The following ADNP2 variants were observed in gnomAD, a reference collection of about 807,000 sequenced individuals.
The protein encoded by ADNP2 is ADNP homeobox 2.
ADNP2 carries 8 observed loss-of-function variants against 16.4 expected under a neutral mutation model. The ratio of observed to expected loss-of-function variants is 0.49; its 90% CI spans 0.29 to 0.88. ADNP2 has a LOEUF of 0.88. Ranked by LOEUF, ADNP2 falls within the 40% of genes least tolerant of loss-of-function variation. The pLI is 0.09. For missense variants in ADNP2, 1,397 were observed against 1,395.1 expected (o/e 1.00, Z -0.02); for synonymous variants, 637 against 545.8 (o/e 1.17, Z -2.33).
intron 3 of ADNP2, 54 bp from the exon 4 acceptor site, chr18:80,135,558 T>C: frequency 1.4e-6 from 2 of 1,479,474 alleles, no homozygotes; most frequent in South Asian, 2.6e-5. Context: ...CTGTGGAAGG[T>C]TAGCATCTGA....
Position 80,137,122 on chromosome 18 carries a change from C to T in ADNP2, c.1709C>T (p.Thr570Ile), listed in dbSNP as rs2052544586. 6.2e-7 allele frequency: 1 copy of T among 1,614,254 alleles called. No homozygotes were observed. The highest frequency in any genetic ancestry group is 8.5e-7 in the Non-Finnish European group (1 of 1,180,052). ...CCTGGGGTCTTGCAACTCAACCAGA[C>T]TGTGGGCACCAACATTCTGCCTGTG... ...VRPGVLQLNQ[T>I]VGTNILPVNQ... The change falls in exon 4 of 4, where the codon ACT becomes ATT. Residue 570 changes from threonine (T) to isoleucine (I), a missense_variant. Physicochemically the swap from Thr to Ile is moderately conservative, Grantham distance 89 (BLOSUM62 -1). Transcript: ENST00000262198. The surrounding 1 kb of genome is among the most constrained non-coding windows in gnomAD (Gnocchi z 4.2).
At position 80,136,869 on chromosome 18, in the gene ADNP2, G is replaced by C. The variant is rs1272257787; in HGVS notation, c.1456G>C (p.Val486Leu). ...TACTGGCCAGATGGTCCAGTCAGGA[G>C]TTCTCCCTGTGGGCCAGACAGCTCC... is the stretch of plus-strand genomic sequence containing the variant. ...LPTGQMVQSG[V>L]LPVGQTAPSR... The change falls in exon 4 of 4, where the codon GTT becomes CTT. Residue 486 changes from valine to leucine, a missense_variant. By Grantham distance (32) the Val-to-Leu change is conservative. This residue lies in a region of ADNP2 where 777 missense variants were observed against 719.4 expected (regional missense o/e 1.08). Transcript: ENST00000262198. The C allele has an allele frequency of 6.2e-7, 1 of 1,613,854 alleles. No individual in the cohort carries two copies. Among genetic ancestry groups the C allele is most frequent in the African/African-American group, 1.3e-5 (1 of 74,850 alleles).
intron 2 of ADNP2, among the ~76,000 whole-genome samples, chr18:80,131,775 T>TA (rs2052498227): frequency 1.3e-5 from 2 of 148,606 alleles, no homozygotes; most frequent in South Asian, 4.2e-4. Flanking sequence ...TGCATGTTCT[T>TA]ACTCACAGAT....
chr18:80,130,638 TA>T (rs1472857863), intron 2 of ADNP2, among the ~76,000 whole-genome samples: 1 of 152,168 alleles, frequency 6.6e-6, no homozygotes, highest in East Asian at 1.9e-4. Context: ...CAGTTTTATT[TA>T]AAACCCTCTG....
chr18:80,137,777 C>T lies in ADNP2; in HGVS notation c.2364C>T (p.His788=). 1 of 1,614,210 alleles carries T rather than the reference C, an allele frequency of 6.2e-7. No homozygotes were observed. The highest frequency in any genetic ancestry group is 8.5e-7 in the Non-Finnish European group (1 of 1,180,052). ...ATGATATCAAAGGTCTTTCAGAGCA[C>T]AGCAGGAATAGGCACCTGGGGAAGA... is the stretch of plus-strand genomic sequence containing the variant. ...TFHDIKGLSE[H]SRNRHLGKKK... The change falls in exon 4 of 4, where the codon CAC becomes CAT. Residue 788 remains histidine (H), a synonymous_variant. Transcript: ENST00000262198. The surrounding 1 kb of genome is among the most constrained non-coding windows in gnomAD (Gnocchi z 4.2).
At position 80,136,741 on chromosome 18, in the gene ADNP2, C is replaced by G. The variant is rs201936630; in HGVS notation, c.1328C>G (p.Ala443Gly). The change falls in exon 4 of 4, where the codon GCG becomes GGG. Residue 443 changes from alanine (A) to glycine (G), a missense_variant. Around this residue, in one of 3 missense-constraint regions of ADNP2, gnomAD observed 777 missense variants for 719.4 expected, o/e 1.08. Coordinates refer to ENST00000262198, the MANE Select transcript of ADNP2 (RefSeq NM_014913.4). ...CCAGGGGTGCTTTCTGTGAGTCGGG[C>G]GGTCCCGTCTGGAGTCCTTCCTGCA... ...VSPGVLSVSR[A>G]VPSGVLPAGQ... 1.2e-6 allele frequency: 2 copies of G among 1,612,602 alleles called. No homozygotes were observed. The highest frequency in any genetic ancestry group is 1.3e-5 in the African/African-American group (1 of 74,772).
At chr18:80,129,866 T>C (rs2052484917) in intron 2 of ADNP2, among the ~76,000 whole-genome samples, 1 of 152,250 alleles carries the variant, frequency 6.6e-6, no homozygotes, top group African/African-American at 2.4e-5. Flanking sequence ...GAGGTGTTTC[T>C]GATTCTGTCA....
chr18:80,135,047 ACTTT>A (rs1166471559), intron 3 of ADNP2, among the ~76,000 whole-genome samples: 1 of 152,204 alleles, frequency 6.6e-6, no homozygotes, highest in Non-Finnish European at 1.5e-5. Context: ...GGAGAAAATA[ACTTT>A]CTTTTGTAGA....
chr18:80,121,901 T>A (rs2052427548), intron 2 of ADNP2, among the ~76,000 whole-genome samples: 1 of 152,128 alleles, frequency 6.6e-6, no homozygotes, highest in Non-Finnish European at 1.5e-5. Context: ...TATATGTCTA[T>A]CCTTATAACA....
intron 2 of ADNP2, among the ~76,000 whole-genome samples, chr18:80,119,066 T>C (rs559128193): frequency 6.6e-6 from 1 of 152,160 alleles, no homozygotes; most frequent in Non-Finnish European, 1.5e-5. Context: ...TTGTTATATA[T>C]CTATAGATTT....
chr18:80,118,069 C>T (rs2052400550), intron 2 of ADNP2, among the ~76,000 whole-genome samples: 4 of 151,938 alleles, frequency 2.6e-5, no homozygotes, highest in Admixed American at 6.6e-5. Flanking sequence ...TTTTGTCTGT[C>T]CTTATAACAT....
chr18:80,133,241 T>G, intron 3 of ADNP2, 49 bp downstream of exon 3: 1 of 1,426,056 alleles, frequency 7.0e-7, no homozygotes, highest in South Asian at 1.1e-5. Flanking sequence ...AAGTGAGCAG[T>G]GACTGTAAAT....
intron 2 of ADNP2, among the ~76,000 whole-genome samples, chr18:80,132,707 CTCTCCCT>C (rs2052506128): frequency 6.7e-6 from 1 of 150,214 alleles, no homozygotes; most frequent in Non-Finnish European, 1.5e-5. Context: ...CCCCTCTCCC[CTCTCCCT>C]CTTTCTGTCT....
At chr18:80,132,694 C>CCTCCCCT (rs560073097) in intron 2 of ADNP2, among the ~76,000 whole-genome samples, 56 of 149,490 alleles carry the variant, frequency 3.7e-4, no homozygotes, top group African/African-American at 1.4e-3. Flanking sequence ...TCTCCTCTCC[C>CCTCCCCT]CTCCCCTCTC....
At chr18:80,109,585 A>G (rs1275425148) in intron 1 of ADNP2, 113 bp downstream of exon 1, 1 of 145,096 alleles carries the variant, frequency 6.9e-6, no homozygotes. Context: ...TACCCAGCCC[A>G]CACCCACGCC....
chr18:80,116,508 G>A (rs1172865889), intron 1 of ADNP2, among the ~76,000 whole-genome samples: 2 of 143,864 alleles, frequency 1.4e-5, no homozygotes, highest in African/African-American at 4.9e-5. Flanking sequence ...GAATGTATGA[G>A]AGTTCCAATT....
chr18:80,109,362 A>AGGCGCGGGCG lies in ADNP2; in HGVS notation c.-118_-109dup, dbSNP rs2052341230. On this transcript the variant is annotated 5_prime_UTR_variant, in exon 1 of 4. Coordinates refer to ENST00000262198, the MANE Select transcript of ADNP2 (RefSeq NM_014913.4). ...GCGGGGGTCCCGCCGCGCGGGGCGG[A>AGGCGCGGGCG]GGCGCGGGCGGGCGCAGGCGGCCCC... 1.3e-5 allele frequency: 2 copies of AGGCGCGGGCG among 149,386 alleles called. No individual in the cohort carries two copies. The highest frequency in any genetic ancestry group is 2.4e-5 in the African/African-American group (1 of 41,220). The allele number at this position is 149,386 out of a possible 1,614,324, so 9.3% of individuals were successfully genotyped here.
chr18:80,138,836 T>TCTA lies in ADNP2; in HGVS notation c.*28_*30dup. The TCTA allele has an allele frequency of 7.3e-7, 1 of 1,374,806 alleles. No homozygotes were observed. The highest frequency in any genetic ancestry group is 9.7e-7 in the Non-Finnish European group (1 of 1,033,646). The allele number at this position is 1,374,806 out of a possible 1,614,324, so 85.2% of individuals were successfully genotyped here. On this transcript the variant is annotated 3_prime_UTR_variant, in exon 4 of 4. Transcript: ENST00000262198. ...ACTTGCAAAAAAAAAAAAAAGTAAC[T>TCTA]CTAAAGTAGTAGGTAGATTTTTTTC... is the stretch of plus-strand genomic sequence containing the variant.
intron 2 of ADNP2, among the ~76,000 whole-genome samples, chr18:80,125,740 G>T (rs2052454505): frequency 6.6e-6 from 1 of 152,162 alleles, no homozygotes. Context: ...GAGCCCAGGA[G>T]TTCAAGGCTG....
Sources: gnomAD v4.1 joint callset for allele counts (sites outside exome capture counted in the v4.1 genomes callset) on GRCh38, gnomAD v4.1.1 for gene constraint, gnomAD v4.1.1 regional missense constraint, Gnocchi (gnomAD v3.1) non-coding constraint, MANE v1.5 for transcripts, NCBI Gene and HGNC (gene_info 2026-07-23, HGNC 2026-07-21) for gene names.